Variants in VPS13B observed in about 807,000 individuals in gnomAD.
The protein encoded by VPS13B is vacuolar protein sorting 13 homolog B, also known as intermembrane lipid transfer protein VPS13B.
In VPS13B, 285 loss-of-function variants were observed where a neutral mutation model predicts 426.4. The observed-to-expected ratio is 0.67, with a 90% CI of 0.61 to 0.74. The LOEUF (loss-of-function observed/expected upper bound fraction) is 0.74, where lower values mean the gene tolerates loss of function less well. Among genes scored for constraint, VPS13B ranks in the 30% least tolerant of loss-of-function variants. The pLI, the probability that VPS13B is intolerant of heterozygous loss-of-function variation, is 0.00. For synonymous variants in VPS13B, 1,676 were observed against 1,676.4 expected (o/e 1.00, Z 0.01); for missense variants, 4,537 against 4,782.6 (o/e 0.95, Z 1.51).
intron 23 of VPS13B, among the ~76,000 whole-genome samples, chr8:99,454,448 G>A (rs528355070): frequency 2.0e-5 from 3 of 152,286 alleles, no homozygotes; most frequent in African/African-American, 7.2e-5. Context: ...GGGATTACAG[G>A]TGTGAGCAGC....
chr8:99,108,405 G>A (rs1480103248), intron 5 of VPS13B, among the ~76,000 whole-genome samples: 3 of 152,106 alleles, frequency 2.0e-5, no homozygotes, highest in Non-Finnish European at 4.4e-5. Flanking sequence ...CTAGACCAAT[G>A]TCAGGTCTTA....
intron 39 of VPS13B, among the ~76,000 whole-genome samples, chr8:99,741,512 A>G (rs1166456742): frequency 2.6e-5 from 4 of 151,856 alleles, no homozygotes; most frequent in African/African-American, 9.7e-5. Flanking sequence ...CCAAATCAAC[A>G]GAATATACAT....
intron 19 of VPS13B, among the ~76,000 whole-genome samples, chr8:99,329,340 A>G (rs1810439220): frequency 6.6e-6 from 1 of 152,142 alleles, no homozygotes; most frequent in Non-Finnish European, 1.5e-5. Flanking sequence ...ATATTCAAGC[A>G]TGTGTTTAGT....
At chr8:99,312,141 T>C (rs1266637782) in intron 19 of VPS13B, among the ~76,000 whole-genome samples, 1 of 152,206 alleles carries the variant, frequency 6.6e-6, no homozygotes, top group Non-Finnish European at 1.5e-5. Context: ...GTGTGTGTCT[T>C]TTAATTGGAA....
At chr8:99,470,364 T>C (rs951457450) in intron 24 of VPS13B, among the ~76,000 whole-genome samples, 3 of 152,138 alleles carry the variant, frequency 2.0e-5, no homozygotes, top group Non-Finnish European at 4.4e-5. Flanking sequence ...AAAATGACTT[T>C]AAGGCAGCTT....
intron 21 of VPS13B, among the ~76,000 whole-genome samples, chr8:99,420,880 A>G (rs866159470): frequency 1.1e-4 from 16 of 152,214 alleles, no homozygotes; most frequent in Non-Finnish European, 2.2e-4. Context: ...ATTTTGATAG[A>G]AAAGGAGTAC....
chr8:99,777,049 A>G (rs1811775719), intron 41 of VPS13B, 93 bp downstream of exon 41: 5 of 1,465,592 alleles, frequency 3.4e-6, no homozygotes, highest in Admixed American at 1.7e-5. Flanking sequence ...ATCTTAGATA[A>G]TGTATTTTCA....
At chr8:99,562,476 T>G (rs1346624188) in intron 31 of VPS13B, among the ~76,000 whole-genome samples, 1 of 152,124 alleles carries the variant, frequency 6.6e-6, no homozygotes, top group Non-Finnish European at 1.5e-5. Context: ...AGATGGAGTT[T>G]CCCCAGGTTG....
rs144027735 is a variant in VPS13B at position 99,839,364 on chromosome 8, G to A, written c.9942+3626G>A. Among the ~76,000 whole-genome samples the A allele has an allele frequency of 1.7e-4, 26 of 152,218 alleles. No individual in the cohort carries two copies. In the East Asian group the frequency reaches 5.0e-3, roughly 29 times the overall value. Reference sequence around the variant, plus strand: ...ACAGTCTCCATTCTTTTATTCATTTGTTCAAACTTTTACTGAGGACCTATC... The same window carrying A: ...ACAGTCTCCATTCTTTTATTCATTTATTCAAACTTTTACTGAGGACCTATC... On this transcript the variant is annotated intron_variant, in intron 54 of 61. Coordinates refer to ENST00000357162, the MANE Select transcript of VPS13B (RefSeq NM_152564.5).
rs575199658 is a variant in VPS13B at position 99,431,516 on chromosome 8, A to G, written c.3083-21A>G. The G allele has an allele frequency of 1.2e-5, 19 of 1,612,496 alleles. No individual in the cohort carries two copies. The East Asian group carries it at 2.7e-4, about 23-fold the overall frequency. ...TTGTAAGTTATGTTTCTATTAAATA[A>G]TTAGCTATTCTCGTACTCAGAATCC... is the stretch of plus-strand genomic sequence containing the variant. On this transcript the variant is annotated intron_variant, in intron 21 of 61. Coordinates refer to ENST00000357162, the MANE Select transcript of VPS13B (RefSeq NM_152564.5).
rs1362320930 is a variant in VPS13B, at chr8:99,356,969, A to G, written c.2825-27239A>G. Among the ~76,000 whole-genome samples, 5 of 152,228 alleles carry G rather than the reference A, an allele frequency of 3.3e-5. No individual in the cohort carries two copies. In the East Asian group the frequency reaches 7.7e-4, roughly 24 times the overall value. On this transcript the variant is annotated intron_variant, in intron 19 of 61. Transcript: ENST00000357162. ...TTTTTTGCTTTCTGAAATATTTATT[A>G]TAGAAAATGTAATTAATTTACTAGA...
chr8:99,314,510 G>T (rs183521633), intron 19 of VPS13B, among the ~76,000 whole-genome samples: 1 of 152,312 alleles, frequency 6.6e-6, no homozygotes, highest in East Asian at 1.9e-4. Context: ...CTCATGCTGA[G>T]AGTAGGGTAT....
chr8:99,389,424 G>A (rs977354884), intron 20 of VPS13B, among the ~76,000 whole-genome samples: 3 of 152,144 alleles, frequency 2.0e-5, no homozygotes, highest in Non-Finnish European at 2.9e-5. Context: ...TCAAAAACCC[G>A]TGTATACCTT....
intron 15 of VPS13B, among the ~76,000 whole-genome samples, chr8:99,168,119 C>G (rs1456729450): frequency 1.3e-5 from 2 of 151,966 alleles, no homozygotes; most frequent in Non-Finnish European, 2.9e-5. Flanking sequence ...ATAGAGGAAG[C>G]AAAAATATGA....
At chr8:99,229,677 A>G (rs1230821586) in intron 17 of VPS13B, among the ~76,000 whole-genome samples, 2 of 152,162 alleles carry the variant, frequency 1.3e-5, no homozygotes, top group Non-Finnish European at 2.9e-5. Flanking sequence ...GGCTTAAAGG[A>G]GAGATAGAAG....
chr8:99,640,040 GAAGAAGAAGAGAAAAGAAA>G (rs1829265062), intron 33 of VPS13B, among the ~76,000 whole-genome samples: 8 of 110,970 alleles, frequency 7.2e-5, no homozygotes, highest in Non-Finnish European at 1.4e-4. Context: ...AGAAGAAGAA[GAAGAAGAAGAGAAAAGAAA>G]AGAAAAGAAA....
intron 17 of VPS13B, among the ~76,000 whole-genome samples, chr8:99,200,613 T>C (rs1003669532): frequency 6.6e-6 from 1 of 152,072 alleles, no homozygotes; most frequent in African/African-American, 2.4e-5. Context: ...TGAAGTGGCA[T>C]CATTATGATT....
At chr8:99,863,512 G>A (rs1816940395) in intron 58 of VPS13B, among the ~76,000 whole-genome samples, 1 of 152,104 alleles carries the variant, frequency 6.6e-6, no homozygotes, top group African/African-American at 2.4e-5. Flanking sequence ...CCCCTGGGCT[G>A]GCTGGTGTGT....
intron 19 of VPS13B, among the ~76,000 whole-genome samples, chr8:99,311,801 G>A (rs1179101856): frequency 2.0e-5 from 3 of 152,126 alleles, no homozygotes; most frequent in Non-Finnish European, 4.4e-5. Context: ...TAGTGTGGGA[G>A]TCTAAGTCTC....
Sources: allele counts gnomAD v4.1 joint callset (sites outside exome capture counted in the v4.1 genomes callset), GRCh38; gene constraint gnomAD v4.1.1; transcripts MANE v1.5; gene names NCBI Gene and HGNC (gene_info 2026-07-23, HGNC 2026-07-21).